The following ARHGEF28 variants were observed in gnomAD, a reference collection of about 807,000 sequenced individuals.
ARHGEF28 encodes Rho guanine nucleotide exchange factor 28.
In ARHGEF28, 152 loss-of-function variants were observed where a neutral mutation model predicts 206.6. The ratio of observed to expected loss-of-function variants is 0.74; its 90% CI spans 0.64 to 0.84. ARHGEF28 has a LOEUF of 0.84. ARHGEF28 is among the 40% of genes least tolerant of loss of function. The probability of loss-of-function intolerance (pLI) is 0.00; values close to 1 mark genes in which losing one functional copy is unlikely to be tolerated. For missense variants in ARHGEF28, 2,028 were observed against 2,073.2 expected (o/e 0.98, Z 0.42); for synonymous variants, 763 against 776.4 (o/e 0.98, Z 0.29).
At chr5:73,701,617 C>A (rs1166874325) in intron 2 of ARHGEF28, among the ~76,000 whole-genome samples, 6 of 152,110 alleles carry the variant, frequency 3.9e-5, no homozygotes, top group Admixed American at 3.9e-4. Context: ...CTCCCCTCCC[C>A]CCACCATTCC....
At chr5:73,694,200 T>C (rs1748035295) in intron 2 of ARHGEF28, among the ~76,000 whole-genome samples, 1 of 152,184 alleles carries the variant, frequency 6.6e-6, no homozygotes, top group Non-Finnish European at 1.5e-5. Flanking sequence ...CCTCCTACTG[T>C]CACAACTGAG....
Position 73,938,076 on chromosome 5 carries a change from CACA to C in ARHGEF28, c.4949-2763_4949-2761del, listed in dbSNP as rs541032058. On this transcript the variant is annotated intron_variant, in intron 35 of 35. Coordinates refer to ENST00000513042, the MANE Select transcript of ARHGEF28 (RefSeq NM_001177693.2). ...ACAACATGGGCTGTTCACCTTAGGGCACAACAAGCTCTCACCTAGGAATGTGTT... is the reference window on the plus strand; with the variant it reads ...ACAACATGGGCTGTTCACCTTAGGGCACAAGCTCTCACCTAGGAATGTGTT... 4.1e-3 allele frequency among the ~76,000 whole-genome samples: 620 copies of C among 151,940 alleles called. 4 individuals carry two copies. In the Middle Eastern group the frequency reaches 0.058, roughly 14 times the overall value.
At chr5:73,735,238 T>C (rs557193223) in intron 2 of ARHGEF28, among the ~76,000 whole-genome samples, 2 of 151,332 alleles carry the variant, frequency 1.3e-5, no homozygotes, top group East Asian at 3.9e-4. Flanking sequence ...TTAATTAAAT[T>C]AAAATTAATT....
At chr5:73,795,771 A>G (rs1754765768) in intron 9 of ARHGEF28, among the ~76,000 whole-genome samples, 1 of 152,104 alleles carries the variant, frequency 6.6e-6, no homozygotes, top group African/African-American at 2.4e-5. Flanking sequence ...TCATAACTTC[A>G]TTCCACCTGG....
intron 9 of ARHGEF28, among the ~76,000 whole-genome samples, chr5:73,801,363 C>G (rs997310986): frequency 6.6e-6 from 1 of 151,988 alleles, no homozygotes; most frequent in Non-Finnish European, 1.5e-5. Flanking sequence ...AGGAGAATGG[C>G]GTGAACCCGG....
At chr5:73,927,652 T>C (rs45342) in intron 35 of ARHGEF28, among the ~76,000 whole-genome samples, 63,022 of 152,002 alleles carry the variant, frequency 0.41, 13,295 homozygotes, top group East Asian at 0.6. Flanking sequence ...AGCCACAACA[T>C]CTGGCTTTAT....
intron 6 of ARHGEF28, among the ~76,000 whole-genome samples, 166 bp downstream of exon 6, chr5:73,776,862 A>G (rs1208115408): frequency 6.6e-6 from 1 of 152,008 alleles, no homozygotes; most frequent in African/African-American, 2.4e-5. Context: ...GAAGATTATT[A>G]TATATTTTAT....
intron 2 of ARHGEF28, among the ~76,000 whole-genome samples, chr5:73,696,272 G>A (rs1411638056): frequency 6.6e-6 from 1 of 152,124 alleles, no homozygotes; most frequent in East Asian, 1.9e-4. Flanking sequence ...AGATGATTTG[G>A]GGTCACATAT....
At chr5:73,764,511 AT>A (rs1239238786) in intron 4 of ARHGEF28, among the ~76,000 whole-genome samples, 11 of 152,182 alleles carry the variant, frequency 7.2e-5, no homozygotes. Flanking sequence ...CACTATGTGA[AT>A]TTTCTGGAAT....
chr5:73,772,553 A>AT (rs1265433835), intron 4 of ARHGEF28, among the ~76,000 whole-genome samples: 3 of 151,930 alleles, frequency 2.0e-5, no homozygotes, highest in Admixed American at 6.6e-5. Flanking sequence ...TAATTTTTGT[A>AT]TTTTTTGTGG....
rs915638521 is a variant in ARHGEF28, at chr5:73,686,619, C to T, written c.33+1735C>T. ...CTGCAAGCTCCGTCTCCCGGGTTCA[C>T]GCTATTCTTCTGCCTCAGCCTCCTG... On this transcript the variant is annotated intron_variant, in intron 2 of 35. Coordinates refer to ENST00000513042, the MANE Select transcript of ARHGEF28 (RefSeq NM_001177693.2). 6.0e-5 allele frequency among the ~76,000 whole-genome samples: 9 copies of T among 150,944 alleles called. No homozygotes were observed. The East Asian group carries it at 7.8e-4, about 13-fold the overall frequency.
At position 73,904,375 on chromosome 5, in the gene ARHGEF28, G is replaced by A; in HGVS notation, c.4131G>A (p.Gln1377=). 6.2e-7 allele frequency: 1 copy of A among 1,612,968 alleles called. No homozygotes were observed. The change falls in exon 33 of 36, where the codon CAG becomes CAA. Residue 1377 remains glutamine, a synonymous_variant. Coordinates refer to ENST00000513042, the MANE Select transcript of ARHGEF28 (RefSeq NM_001177693.2). ...TTTTTCAGATTATACAAGCCATACA[G>A]AATTTAACCCGTCTCTTATACAGCC... ...SSQSEIIQAI[Q]NLTRLLYSLQ...
chr5:73,643,984 A>AGTATGTAGCTCTTGT (rs1190377846), intron 1 of ARHGEF28, among the ~76,000 whole-genome samples: 1 of 151,478 alleles, frequency 6.6e-6, no homozygotes, highest in Non-Finnish European at 1.5e-5. Flanking sequence ...AGGACCACTC[A>AGTATGTAGCTCTTGT]GTATGTAGCT....
chr5:73,831,132 T>G, intron 9 of ARHGEF28, among the ~76,000 whole-genome samples: 1 of 152,216 alleles, frequency 6.6e-6, no homozygotes, highest in Non-Finnish European at 1.5e-5. Context: ...AATTTAATAG[T>G]AATTCTGACC....
chr5:73,893,515 A>G (rs1296560080), intron 28 of ARHGEF28, among the ~76,000 whole-genome samples: 2 of 152,248 alleles, frequency 1.3e-5, no homozygotes, highest in Admixed American at 1.3e-4. Context: ...CACATAACAT[A>G]TATGAAACAA....
chr5:73,794,046 G>A (rs916392830), intron 7 of ARHGEF28, among the ~76,000 whole-genome samples: 7 of 152,118 alleles, frequency 4.6e-5, no homozygotes, highest in African/African-American at 1.7e-4. Flanking sequence ...TCCTCAGGTG[G>A]GTACGAGTCA....
chr5:73,815,383 G>A (rs1486463017), intron 9 of ARHGEF28, among the ~76,000 whole-genome samples: 1 of 152,060 alleles, frequency 6.6e-6, no homozygotes, highest in Non-Finnish European at 1.5e-5. Context: ...TTTTCTGTAA[G>A]TTTGAAATTA....
intron 1 of ARHGEF28, among the ~76,000 whole-genome samples, chr5:73,632,686 G>T (rs921358885): frequency 6.6e-6 from 1 of 152,002 alleles, no homozygotes; most frequent in African/African-American, 2.4e-5. Context: ...TGTTTCTTCA[G>T]CCCTTGTTAA....
intron 1 of ARHGEF28, among the ~76,000 whole-genome samples, chr5:73,682,195 C>A (rs1287512904): frequency 1.3e-5 from 2 of 152,054 alleles, no homozygotes; most frequent in Admixed American, 6.5e-5. Flanking sequence ...TGAGAAGGGC[C>A]CTGTTGTCAA....
Sources: gnomAD v4.1 joint callset for allele counts (sites outside exome capture counted in the v4.1 genomes callset) on GRCh38, gnomAD v4.1.1 for gene constraint, MANE v1.5 for transcripts, NCBI Gene and HGNC (gene_info 2026-07-23, HGNC 2026-07-21) for gene names.